The following NRG1 variants were observed in gnomAD, a reference collection of about 807,000 sequenced individuals.
NRG1 encodes neuregulin 1.
A neutral mutation model predicts 63.8 loss-of-function variants in NRG1; 18 were observed. That is an observed-to-expected ratio of 0.28 (90% CI 0.19 to 0.42). The LOEUF (loss-of-function observed/expected upper bound fraction) is 0.42, where lower values mean the gene tolerates loss of function less well. Ranked by LOEUF, NRG1 falls within the 10% of genes least tolerant of loss-of-function variation. NRG1 has a pLI of 1.00. For missense variants in NRG1, 762 were observed against 814.7 expected, an observed-to-expected ratio of 0.94 and a Z score of 0.79; for synonymous variants, 302 against 301.3, an observed-to-expected ratio of 1.00 and a Z score of -0.02.
chr8:32,384,447 T>C (rs554862334), intron 1 of NRG1, among the ~76,000 whole-genome samples: 3 of 152,376 alleles, frequency 2.0e-5, no homozygotes, highest in South Asian at 4.1e-4. Context: ...GTGGGACTAA[T>C]GCAAGATCTG....
chr8:31,667,296 A>G (rs756039294), intron 1 of NRG1, among the ~76,000 whole-genome samples: 2 of 152,216 alleles, frequency 1.3e-5, no homozygotes, highest in Non-Finnish European at 2.9e-5. Flanking sequence ...AAGATGGATA[A>G]GCAAATAGGG....
At chr8:32,708,846 C>G (rs1817090346) in intron 5 of NRG1, among the ~76,000 whole-genome samples, 1 of 152,136 alleles carries the variant, frequency 6.6e-6, no homozygotes, top group Non-Finnish European at 1.5e-5. Context: ...GTACATATAA[C>G]AGTGACTGCC....
chr8:32,761,903 G>A (rs1344528137), intron 11 of NRG1, among the ~76,000 whole-genome samples: 1 of 151,934 alleles, frequency 6.6e-6, no homozygotes, highest in Non-Finnish European at 1.5e-5. Flanking sequence ...GCTGGGTATG[G>A]TGGTGCTGCC....
At chr8:32,548,902 G>T (rs1833517602) in intron 1 of NRG1, 76 bp downstream of exon 1, 1 of 1,467,046 alleles carries the variant, frequency 6.8e-7, no homozygotes, top group Admixed American at 2.3e-5. Context: ...CGGATGCCGT[G>T]GCCTCTCCCT....
At chr8:32,519,161 T>A (rs1266159700) in intron 1 of NRG1, among the ~76,000 whole-genome samples, 1 of 152,148 alleles carries the variant, frequency 6.6e-6, no homozygotes, top group Non-Finnish European at 1.5e-5. Flanking sequence ...TATCTTGGAG[T>A]TAATTAAAGT....
At chr8:31,779,268 G>T (rs1284138269) in intron 1 of NRG1, among the ~76,000 whole-genome samples, 2 of 152,124 alleles carry the variant, frequency 1.3e-5, no homozygotes, top group Non-Finnish European at 2.9e-5. Flanking sequence ...AGAATGACAT[G>T]GGAAGGAGGG....
intron 1 of NRG1, chr8:31,639,445 C>G (rs1367054994): frequency 2.6e-6 from 4 of 1,534,338 alleles, no homozygotes; most frequent in South Asian, 2.4e-5. Context: ...AACAGGCTGG[C>G]GAGGCGCAGG....
At chr8:32,211,069 T>G (rs1234844715) in intron 1 of NRG1, among the ~76,000 whole-genome samples, 1 of 152,224 alleles carries the variant, frequency 6.6e-6, no homozygotes, top group Non-Finnish European at 1.5e-5. Context: ...AATGTTTTCT[T>G]CCATAATCCT....
At chr8:32,252,739 A>ATGG (rs1490431996) in intron 1 of NRG1, among the ~76,000 whole-genome samples, 1 of 152,230 alleles carries the variant, frequency 6.6e-6, no homozygotes, top group Non-Finnish European at 1.5e-5. Flanking sequence ...AAGAAAGTCA[A>ATGG]TAGTAGCTTG....
intron 1 of NRG1, among the ~76,000 whole-genome samples, chr8:32,107,379 A>G (rs1831425479): frequency 1.3e-5 from 2 of 152,206 alleles, no homozygotes. Flanking sequence ...TGACATGAAG[A>G]TAAAAATGAT....
chr8:32,179,818 C>T (rs1324615656), intron 1 of NRG1, among the ~76,000 whole-genome samples: 2 of 152,134 alleles, frequency 1.3e-5, no homozygotes, highest in Admixed American at 1.3e-4. Context: ...AGAAGTCCTT[C>T]CTATGGTTAT....
At chr8:32,357,911 C>T (rs1721666271) in intron 1 of NRG1, among the ~76,000 whole-genome samples, 1 of 152,066 alleles carries the variant, frequency 6.6e-6, no homozygotes, top group Admixed American at 6.6e-5. Context: ...AGTTGCCTTC[C>T]CCAGCATAAC....
At chr8:31,838,282 T>C (rs1825869993) in intron 1 of NRG1, among the ~76,000 whole-genome samples, 1 of 152,148 alleles carries the variant, frequency 6.6e-6, no homozygotes, top group Non-Finnish European at 1.5e-5. Flanking sequence ...AACATCTCAC[T>C]TTGTAGTCTC....
chr8:32,171,126 A>C (rs935342882), intron 1 of NRG1, among the ~76,000 whole-genome samples: 2 of 152,208 alleles, frequency 1.3e-5, no homozygotes, highest in Non-Finnish European at 2.9e-5. Context: ...GTGTGTGTAA[A>C]GGTTATTCAA....
intron 1 of NRG1, among the ~76,000 whole-genome samples, chr8:32,516,629 G>C (rs1334884709): frequency 6.6e-6 from 1 of 152,004 alleles, no homozygotes; most frequent in Non-Finnish European, 1.5e-5. Context: ...AGTTCTCTTT[G>C]TAGGTATCTT....
intron 1 of NRG1, among the ~76,000 whole-genome samples, chr8:31,705,873 A>G (rs917534569): frequency 6.6e-6 from 1 of 152,222 alleles, no homozygotes; most frequent in Non-Finnish European, 1.5e-5. Context: ...CCAAGTAAAA[A>G]CAATTTTATG....
At chr8:31,776,687 C>T (rs991438074) in intron 1 of NRG1, among the ~76,000 whole-genome samples, 9 of 152,054 alleles carry the variant, frequency 5.9e-5, no homozygotes, top group South Asian at 2.1e-4. Flanking sequence ...TATTCCTCCC[C>T]CTCCCCCTAC....
chr8:32,064,777 C>A (rs762672505), intron 1 of NRG1, among the ~76,000 whole-genome samples: 1 of 152,048 alleles, frequency 6.6e-6, no homozygotes, highest in Non-Finnish European at 1.5e-5. Context: ...AGCTCTTAAA[C>A]CAGCAGTATA....
intron 5 of NRG1, among the ~76,000 whole-genome samples, chr8:32,679,543 A>G (rs1028442762): frequency 2.0e-5 from 3 of 152,208 alleles, no homozygotes; most frequent in African/African-American, 7.2e-5. Context: ...AACAAAGTTG[A>G]ATGGACTCCT....
Sources: gnomAD v4.1 joint callset for allele counts (sites outside exome capture counted in the v4.1 genomes callset) on GRCh38, gnomAD v4.1.1 for gene constraint, MANE v1.5 for transcripts, NCBI Gene and HGNC (gene_info 2026-07-23, HGNC 2026-07-21) for gene names.